GRIP1: variants seen among roughly 807,000 people sequenced by gnomAD.
GRIP1 encodes the protein glutamate receptor-interacting protein 1.
In GRIP1, 45 loss-of-function variants were observed where a neutral mutation model predicts 129.9. The observed-to-expected ratio is 0.35, with a 90% CI of 0.27 to 0.44. The LOEUF (loss-of-function observed/expected upper bound fraction) is 0.44, where lower values mean the gene tolerates loss of function less well. Ranked by LOEUF, GRIP1 falls within the 20% of genes least tolerant of loss-of-function variation. GRIP1 has a pLI of 1.00. For synonymous variants in GRIP1, 530 were observed against 520.8 expected, an observed-to-expected ratio of 1.02 and a Z score of -0.24; for missense variants, 1,196 against 1,396.8, an observed-to-expected ratio of 0.86 and a Z score of 2.29.
At chr12:66,451,461 TGGCAGAATCTTG>T (rs1791900295) in intron 11 of GRIP1, among the ~76,000 whole-genome samples, 1 of 130,930 alleles carries the variant, frequency 7.6e-6, no homozygotes, top group African/African-American at 2.9e-5. Context: ...TGGAGCATAG[TGGCAGAATCTTG>T]GCTCACTGCA....
At chr12:66,710,053 C>A (rs1420348503) in intron 1 of GRIP1, among the ~76,000 whole-genome samples, 5 of 151,970 alleles carry the variant, frequency 3.3e-5, no homozygotes, top group Admixed American at 3.3e-4. Context: ...CTGCGGTGAT[C>A]ACCTGGCTGA....
At chr12:66,557,145 C>T (rs1350861766) in intron 2 of GRIP1, among the ~76,000 whole-genome samples, 2 of 151,942 alleles carry the variant, frequency 1.3e-5, no homozygotes, top group African/African-American at 4.8e-5. Context: ...CATCCTATGC[C>T]AATGGAAACC....
intron 2 of GRIP1, among the ~76,000 whole-genome samples, chr12:66,542,913 G>A (rs890069517): frequency 2.0e-5 from 3 of 151,984 alleles, no homozygotes; most frequent in Non-Finnish European, 2.9e-5. Context: ...CATCAAAGAC[G>A]CATATTAAAA....
intron 1 of GRIP1, among the ~76,000 whole-genome samples, chr12:67,060,319 T>C (rs2043510252): frequency 6.6e-6 from 1 of 152,224 alleles, no homozygotes; most frequent in African/African-American, 2.4e-5. Context: ...AAGTACCATA[T>C]TCACACTGCA....
chr12:66,468,326 G>T (rs1050570957), intron 7 of GRIP1, among the ~76,000 whole-genome samples: 1 of 152,190 alleles, frequency 6.6e-6, no homozygotes, highest in Admixed American at 6.5e-5. Flanking sequence ...TGAAGCCTAG[G>T]TTCCTAAAAT....
intron 1 of GRIP1, among the ~76,000 whole-genome samples, chr12:66,831,583 A>ATCT (rs2039519443): frequency 6.6e-6 from 1 of 152,246 alleles, no homozygotes; most frequent in Non-Finnish European, 1.5e-5. Flanking sequence ...CCGGTATTTC[A>ATCT]TCTTCCATTT....
intron 1 of GRIP1, among the ~76,000 whole-genome samples, chr12:66,923,267 A>T (rs1350282468): frequency 6.6e-6 from 1 of 152,148 alleles, no homozygotes; most frequent in Non-Finnish European, 1.5e-5. Context: ...GATCACTTGA[A>T]CTGGGAAAGT....
chr12:67,030,583 T>C (rs1033498422), intron 1 of GRIP1, among the ~76,000 whole-genome samples: 5 of 152,188 alleles, frequency 3.3e-5, no homozygotes, highest in Non-Finnish European at 7.3e-5. Flanking sequence ...CTATTTCCCA[T>C]ACTCCCTCAA....
intron 1 of GRIP1, among the ~76,000 whole-genome samples, chr12:66,772,228 G>C (rs1481028503): frequency 1.3e-5 from 2 of 152,212 alleles, no homozygotes; most frequent in South Asian, 2.1e-4. Context: ...TCCAGAGCTA[G>C]AGCTCTCCAT....
intron 1 of GRIP1, among the ~76,000 whole-genome samples, chr12:66,879,004 G>A (rs923928346): frequency 7.2e-5 from 11 of 151,934 alleles, no homozygotes; most frequent in Admixed American, 1.3e-4. Flanking sequence ...TTGGTAGCTA[G>A]GGGCAGGGAG....
intron 2 of GRIP1, among the ~76,000 whole-genome samples, chr12:66,572,758 T>A (rs991598428): frequency 7.9e-5 from 12 of 152,264 alleles, no homozygotes; most frequent in African/African-American, 2.6e-4. Flanking sequence ...GAGAAACTAA[T>A]CCTCCCAGAA....
chr12:66,377,165 C>T lies in GRIP1; in HGVS notation c.2733+9G>A, dbSNP rs751165050. On this transcript the variant is annotated intron_variant, in intron 21 of 24. Transcript: ENST00000359742. The stretch of plus-strand genomic sequence containing the variant: ...AAACAATAAAAGTAAGTAGCAGGAC[C>T]AAGGCTACCTCCAGTTCTCTCAGAA... The T allele has an allele frequency of 5.0e-6, 8 of 1,590,588 alleles. No individual in the cohort carries two copies. Among genetic ancestry groups the T allele is most frequent in the Non-Finnish European group, 6.9e-6 (8 of 1,158,534 alleles).
intron 1 of GRIP1, among the ~76,000 whole-genome samples, chr12:66,820,242 T>C (rs1357198820): frequency 6.6e-6 from 1 of 152,120 alleles, no homozygotes; most frequent in Non-Finnish European, 1.5e-5. Flanking sequence ...TAAATAAGCA[T>C]GTGAAAAGAT....
At chr12:66,797,900 T>C (rs745819506) in intron 1 of GRIP1, among the ~76,000 whole-genome samples, 2 of 152,190 alleles carry the variant, frequency 1.3e-5, no homozygotes, top group Non-Finnish European at 2.9e-5. Flanking sequence ...GCATTCTGAT[T>C]GACCTAGCTG....
chr12:66,912,187 A>G (rs2041041504), intron 1 of GRIP1, among the ~76,000 whole-genome samples: 1 of 152,146 alleles, frequency 6.6e-6, no homozygotes, highest in Non-Finnish European at 1.5e-5. Context: ...CATAATTTCT[A>G]TGTATATATT....
chr12:66,574,046 A>G (rs543453394), intron 2 of GRIP1, among the ~76,000 whole-genome samples: 1 of 152,272 alleles, frequency 6.6e-6, no homozygotes, highest in South Asian at 2.1e-4. Flanking sequence ...TCTTACTCAC[A>G]TAAATGGTGA....
At chr12:66,979,317 T>C (rs1011857061) in intron 1 of GRIP1, among the ~76,000 whole-genome samples, 5 of 146,664 alleles carry the variant, frequency 3.4e-5, no homozygotes, top group African/African-American at 1.3e-4. Context: ...TTTCCTCTTA[T>C]ATGAATTCAC....
At chr12:66,747,781 T>G (rs1292092051) in intron 1 of GRIP1, among the ~76,000 whole-genome samples, 1 of 152,138 alleles carries the variant, frequency 6.6e-6, no homozygotes, top group African/African-American at 2.4e-5. Context: ...CTCTGTGAAA[T>G]GTACAGAGTG....
At chr12:66,605,202 A>G (rs1188268398) in intron 1 of GRIP1, among the ~76,000 whole-genome samples, 1 of 152,164 alleles carries the variant, frequency 6.6e-6, no homozygotes, top group East Asian at 1.9e-4. Context: ...ATTTTTAAAC[A>G]AATAAGAATG....
Sources: allele counts gnomAD v4.1 joint callset (sites outside exome capture counted in the v4.1 genomes callset), GRCh38; gene constraint gnomAD v4.1.1; transcripts MANE v1.5; gene names NCBI Gene and HGNC (gene_info 2026-07-23, HGNC 2026-07-21).